ABCC1: variants seen among roughly 807,000 people sequenced by gnomAD.
ABCC1 encodes ATP binding cassette subfamily C member 1 (ABCC1 blood group), also known as multidrug resistance-associated protein 1.
Under a neutral mutation model 172.9 loss-of-function variants are expected in ABCC1, and 83 were observed. The ratio of observed to expected loss-of-function variants is 0.48; its 90% CI spans 0.40 to 0.58. The LOEUF (loss-of-function observed/expected upper bound fraction) is 0.58, where lower values mean the gene tolerates loss of function less well. Ranked by LOEUF, ABCC1 falls within the 20% of genes least tolerant of loss-of-function variation. The pLI is 0.00. For synonymous variants in ABCC1, 937 were observed against 825.2 expected, an observed-to-expected ratio of 1.14 and a Z score of -2.32; for missense variants, 1,817 against 2,002.7, an observed-to-expected ratio of 0.91 and a Z score of 1.77.
chr16:16,121,960 T>G lies in ABCC1; in HGVS notation c.3391-15T>G. ...GGAACCTTCATCAACTCCCCGCGTC[T>G]GTTCTCTACCCCAGAGGTTCTACGT... On this transcript the variant is annotated splice_polypyrimidine_tract_variant and intron_variant, in intron 23 of 30. Transcript: ENST00000399410. The G allele has an allele frequency of 6.2e-7, 1 of 1,614,148 alleles. No homozygotes were observed. The highest frequency in any genetic ancestry group is 2.2e-5 in the East Asian group (1 of 44,880).
intron 1 of ABCC1, among the ~76,000 whole-genome samples, chr16:16,006,871 C>CGGTGGCGGTGGCGGTGGCAGTGGT: frequency 6.8e-6 from 1 of 148,142 alleles, no homozygotes; most frequent in East Asian, 2.0e-4. Context: ...GTGGCGGTGG[C>CGGTGGCGGTGGCGGTGGCAGTGGT]GGTGGCGGTG....
At chr16:16,042,811 T>C (rs187054479) in intron 7 of ABCC1, among the ~76,000 whole-genome samples, 9 of 152,308 alleles carry the variant, frequency 5.9e-5, no homozygotes, top group Admixed American at 2.0e-4. Context: ...TACAATTCAC[T>C]GATTTTTAGT....
At position 16,131,771 on chromosome 16, in the gene ABCC1, C is replaced by T. The variant is rs2152136315; in HGVS notation, c.3820-18C>T. The T allele has an allele frequency of 1.2e-6, 2 of 1,609,910 alleles. No homozygotes were observed. The highest frequency in any genetic ancestry group is 1.7e-5 in the Admixed American group (1 of 59,440). On this transcript the variant is annotated intron_variant, in intron 26 of 30. Coordinates refer to ENST00000399410, the MANE Select transcript of ABCC1 (RefSeq NM_004996.4). ...TGGACTGGAAATTCCTTACTCTCTCCCTTCACTGCGATCGAAGGCGCCCTG... is the reference window on the plus strand; with the variant it reads ...TGGACTGGAAATTCCTTACTCTCTCTCTTCACTGCGATCGAAGGCGCCCTG...
At chr16:16,070,294 G>T (rs2050290101) in intron 13 of ABCC1, among the ~76,000 whole-genome samples, 1 of 151,968 alleles carries the variant, frequency 6.6e-6, no homozygotes, top group Non-Finnish European at 1.5e-5. Context: ...CTTGAGCCTA[G>T]GAGTTTGAGG....
chr16:16,090,306 G>C, intron 18 of ABCC1, 99 bp from the exon 19 acceptor site: 1 of 1,303,704 alleles, frequency 7.7e-7, no homozygotes, highest in Non-Finnish European at 1.0e-6. Context: ...TTGCCCACCA[G>C]GTGTTCGTCG....
At chr16:16,135,710 C>A (rs1180112433) in intron 28 of ABCC1, among the ~76,000 whole-genome samples, 1 of 152,140 alleles carries the variant, frequency 6.6e-6, no homozygotes, top group Non-Finnish European at 1.5e-5. Context: ...CCTGCCTCGG[C>A]CTCCCATAGT....
intron 12 of ABCC1, 155 bp downstream of exon 12, chr16:16,056,450 T>C: frequency 1.3e-6 from 1 of 791,594 alleles, no homozygotes; most frequent in Non-Finnish European, 2.0e-6. Context: ...GTGGATCACC[T>C]GAGGTCAGGA....
intron 1 of ABCC1, among the ~76,000 whole-genome samples, chr16:16,004,145 C>T (rs1279462043): frequency 2.7e-5 from 4 of 150,770 alleles, no homozygotes; most frequent in Admixed American, 6.6e-5. Context: ...GTGGGGAACA[C>T]TGACTGTGGT....
At chr16:16,107,197 T>C (rs1358711520) in intron 21 of ABCC1, among the ~76,000 whole-genome samples, 4 of 152,222 alleles carry the variant, frequency 2.6e-5, no homozygotes, top group Non-Finnish European at 5.9e-5. Context: ...AAATCAGGGC[T>C]TCCTGCAACG....
intron 1 of ABCC1, among the ~76,000 whole-genome samples, chr16:16,005,352 T>G (rs1017865497): frequency 2.0e-5 from 1 of 49,154 alleles, no homozygotes; most frequent in African/African-American, 3.8e-5. Flanking sequence ...TTTTCTGATT[T>G]TTTTTTTTTT....
intron 24 of ABCC1, among the ~76,000 whole-genome samples, chr16:16,124,335 G>GTGTGTGTGTGTGTGTGTGTGTA (rs766911904): frequency 0.14 from 11,882 of 87,408 alleles, 1,373 homozygotes; most frequent in East Asian, 0.26. Context: ...GTGTGTGTGT[G>GTGTGTGTGTGTGTGTGTGTGTA]TGTGTGTGTG....
At chr16:16,084,403 G>A (rs8059503) in intron 17 of ABCC1, among the ~76,000 whole-genome samples, 16,942 of 144,796 alleles carry the variant, frequency 0.12, 1,445 homozygotes, top group African/African-American at 0.28. Flanking sequence ...TCTCTCTGTC[G>A]CCCAGGCTAG....
At chr16:16,013,561 GA>G (rs1644377077) in intron 3 of ABCC1, among the ~76,000 whole-genome samples, 1 of 88,038 alleles carries the variant, frequency 1.1e-5, no homozygotes, top group Non-Finnish European at 2.9e-5. Flanking sequence ...GCACCTGGCT[GA>G]TTTTTTTTTT....
intron 1 of ABCC1, among the ~76,000 whole-genome samples, chr16:15,967,976 T>C (rs993643356): frequency 1.4e-4 from 22 of 152,134 alleles, no homozygotes; most frequent in African/African-American, 5.3e-4. Context: ...GGGTACAGTA[T>C]AGAATGAAAA....
intron 1 of ABCC1, among the ~76,000 whole-genome samples, chr16:15,992,865 C>T (rs76154268): frequency 1.3e-5 from 2 of 152,162 alleles, no homozygotes; most frequent in Non-Finnish European, 2.9e-5. Context: ...AATCTTGGGT[C>T]CTAGCTCATT....
At position 15,976,767 on chromosome 16, in the gene ABCC1, G is replaced by T. The variant is rs1050196805; in HGVS notation, c.48+26968G>T. Among the ~76,000 whole-genome samples, 5 of 152,146 alleles carry T rather than the reference G, an allele frequency of 3.3e-5. No homozygotes were observed. In the East Asian group the frequency reaches 9.6e-4, roughly 29 times the overall value. On this transcript the variant is annotated intron_variant, in intron 1 of 30. Transcript: ENST00000399410. ...AACTGCAGCAAACTCAACCCCTAAC[G>T]AGTATTCTATCTTCCCAACATTGTG...
intron 1 of ABCC1, among the ~76,000 whole-genome samples, chr16:16,004,024 G>GTGGATGGA (rs138260161): frequency 2.4e-5 from 1 of 42,354 alleles, no homozygotes. Context: ...GGATGAATTG[G>GTGGATGGA]TGGATGGATG....
chr16:16,101,003 C>T (rs146150691), intron 19 of ABCC1, among the ~76,000 whole-genome samples: 11 of 150,624 alleles, frequency 7.3e-5, no homozygotes, highest in African/African-American at 2.0e-4. Context: ...TTCTTTTATT[C>T]GTGTTTTTTA....
intron 23 of ABCC1, among the ~76,000 whole-genome samples, chr16:16,115,847 T>C (rs1054225863): frequency 1.3e-5 from 2 of 152,068 alleles, no homozygotes; most frequent in African/African-American, 4.8e-5. Context: ...TGCTTTTATT[T>C]AAAAATTTAA....
Sources: allele counts gnomAD v4.1 joint callset (sites outside exome capture counted in the v4.1 genomes callset), GRCh38; gene constraint gnomAD v4.1.1; transcripts MANE v1.5; gene names NCBI Gene and HGNC (gene_info 2026-07-23, HGNC 2026-07-21).